MVB12B: variants seen among roughly 807,000 people sequenced by gnomAD.
MVB12B encodes the protein multivesicular body subunit 12B.
In MVB12B, 16 loss-of-function variants were observed where a neutral mutation model predicts 41.6. The ratio of observed to expected loss-of-function variants is 0.38; its 90% confidence interval spans 0.26 to 0.58. The LOEUF (loss-of-function observed/expected upper bound fraction) is 0.58, where lower values mean the gene tolerates loss of function less well. Ranked by LOEUF, MVB12B falls within the 20% of genes least tolerant of loss-of-function variation. The pLI, the probability that MVB12B is intolerant of heterozygous loss-of-function variation, is 0.62. For synonymous variants in MVB12B, 133 were observed against 139.7 expected (o/e 0.95, Z 0.34); for missense variants, 274 against 380.2 (o/e 0.72, Z 2.32).
chr9:126,487,911 G>A (rs781665487), intron 9 of MVB12B, among the ~76,000 whole-genome samples: 2 of 152,210 alleles, frequency 1.3e-5, no homozygotes, highest in Admixed American at 6.5e-5. Flanking sequence ...GCAGTGGAGA[G>A]CTCCACAGAG....
At chr9:126,401,814 G>C (rs534609738) in intron 6 of MVB12B, among the ~76,000 whole-genome samples, 1 of 152,268 alleles carries the variant, frequency 6.6e-6, no homozygotes, top group East Asian at 1.9e-4. Flanking sequence ...TGATTAACTC[G>C]CAGAGTAAGT....
intron 6 of MVB12B, among the ~76,000 whole-genome samples, chr9:126,406,148 G>A (rs1439187865): frequency 6.6e-6 from 1 of 152,000 alleles, no homozygotes; most frequent in Non-Finnish European, 1.5e-5. Context: ...AGGGCAGAGA[G>A]TTAGGATTTA....
Position 126,503,273 on chromosome 9 carries a change from G to T in MVB12B, c.*10G>T, listed in dbSNP as rs1024540178. ...GATCCCGCAGTCCTGAGGAGCCAGC[G>T]GCCACCTGCGGGGAGACCACCGCCG... On this transcript the variant is annotated 3_prime_UTR_variant, in exon 10 of 10. Transcript: ENST00000361171. The T allele has an allele frequency of 1.9e-6, 3 of 1,549,046 alleles. No individual in the cohort carries two copies. The Admixed American group carries it at 5.9e-5, about 30-fold the overall frequency.
Position 126,503,145 on chromosome 9 carries a change from C to T in MVB12B, c.874-32C>T, listed in dbSNP as rs370956928. The T allele has an allele frequency of 3.9e-6, 6 of 1,528,370 alleles. No homozygotes were observed. The African/African-American group carries it at 5.5e-5, about 14-fold the overall frequency. The allele number at this position is 1,528,370 out of a possible 1,614,324, so 94.7% of individuals were successfully genotyped here. A position where few individuals can be genotyped will look rare whatever the true frequency, so the allele number is the denominator to read the frequency against. On this transcript the variant is annotated intron_variant, in intron 9 of 9. Transcript: ENST00000361171. ...GTTTCCCTAGTGTCCCATGGACTGA[C>T]TGTGTCTCTCTGTCCCCACCCGCCC... is the stretch of plus-strand genomic sequence containing the variant.
chr9:126,435,549 G>A (rs1832448203), intron 7 of MVB12B, among the ~76,000 whole-genome samples: 1 of 151,686 alleles, frequency 6.6e-6, no homozygotes. Flanking sequence ...GGATCATATC[G>A]GCACTCAACC....
chr9:126,393,394 A>C (rs1425349658), intron 5 of MVB12B, among the ~76,000 whole-genome samples: 2 of 152,190 alleles, frequency 1.3e-5, no homozygotes, highest in East Asian at 3.8e-4. Flanking sequence ...CCTGCTTTTC[A>C]TCCAGGTTCA....
chr9:126,452,380 G>A (rs558048168), intron 7 of MVB12B, among the ~76,000 whole-genome samples: 48 of 152,306 alleles, frequency 3.2e-4, no homozygotes, highest in Non-Finnish European at 4.9e-4. Flanking sequence ...TCCTCAGCTC[G>A]GACCAGCACT....
rs368292018 is a variant in MVB12B at position 126,487,897 on chromosome 9, C to T, written c.873+3865C>T. On this transcript the variant is annotated intron_variant, in intron 9 of 9. Transcript: ENST00000361171. ...CAGGGTAGAAAACCATAACAAGTAT[C>T]GCTGCAGTGGAGAGCTCCACAGAGT... Among the ~76,000 whole-genome samples, 7 of 152,226 alleles carry T rather than the reference C, an allele frequency of 4.6e-5. No individual in the cohort carries two copies. The East Asian group carries it at 9.6e-4, about 21-fold the overall frequency.
At chr9:126,337,564 A>G (rs766698012) in intron 1 of MVB12B, among the ~76,000 whole-genome samples, 5 of 152,168 alleles carry the variant, frequency 3.3e-5, no homozygotes, top group Admixed American at 6.5e-5. Context: ...GCCTAGTACA[A>G]TAGAAAACAG....
chr9:126,464,622 C>T (rs1382516762), intron 7 of MVB12B, among the ~76,000 whole-genome samples: 2 of 152,228 alleles, frequency 1.3e-5, no homozygotes, highest in Admixed American at 6.5e-5. Flanking sequence ...GCCCGGAGGA[C>T]ACTCCCTAAC....
intron 7 of MVB12B, among the ~76,000 whole-genome samples, chr9:126,465,868 G>A (rs1015866941): frequency 8.5e-5 from 13 of 152,172 alleles, no homozygotes; most frequent in Admixed American, 7.2e-4. Context: ...GGCTGTATAA[G>A]TGTGTTTCAT....
chr9:126,399,729 C>A (rs1831215966), intron 6 of MVB12B, among the ~76,000 whole-genome samples: 1 of 152,290 alleles, frequency 6.6e-6, no homozygotes, highest in South Asian at 2.1e-4. Context: ...CAGGAGGAGT[C>A]CCCTGGTGGG....
At chr9:126,484,194 T>C (rs1482341982) in intron 9 of MVB12B, among the ~76,000 whole-genome samples, 162 bp downstream of exon 9, 1 of 152,232 alleles carries the variant, frequency 6.6e-6, no homozygotes, top group Non-Finnish European at 1.5e-5. Context: ...ATGTGTTTCT[T>C]AGATAAAGTA....
At chr9:126,420,561 CTTTTTTTTTTTTTTTTTTTT>C (rs567217742) in intron 6 of MVB12B, among the ~76,000 whole-genome samples, 69 of 98,848 alleles carry the variant, frequency 7.0e-4, no homozygotes, top group Admixed American at 1.0e-3. Flanking sequence ...TCCCAGGAGT[CTTTTTTTTTTTTTTTTTTTT>C]TTTTTTTTTT....
At chr9:126,452,172 C>T (rs183554309) in intron 7 of MVB12B, among the ~76,000 whole-genome samples, 2 of 152,350 alleles carry the variant, frequency 1.3e-5, no homozygotes, top group Admixed American at 1.3e-4. Context: ...TGCGTGTGCT[C>T]ACGTGCAGGC....
chr9:126,465,667 G>T, intron 7 of MVB12B, among the ~76,000 whole-genome samples: 1 of 126,306 alleles, frequency 7.9e-6, no homozygotes, highest in Non-Finnish European at 1.6e-5. Flanking sequence ...CTCCAGATTG[G>T]TGGGGGCGGG....
intron 9 of MVB12B, among the ~76,000 whole-genome samples, chr9:126,492,779 G>T (rs1035545064): frequency 6.6e-6 from 1 of 152,204 alleles, no homozygotes; most frequent in African/African-American, 2.4e-5. Flanking sequence ...AGGAAGTTGA[G>T]GCTGCAGTGA....
At position 126,333,619 on chromosome 9, in the gene MVB12B, G is replaced by A. The variant is rs1829193001; in HGVS notation, c.81+6609G>A. On this transcript the variant is annotated intron_variant, in intron 1 of 9. Coordinates refer to ENST00000361171, the MANE Select transcript of MVB12B (RefSeq NM_033446.3). This position sits in a 1 kb window ranked among gnomAD's most constrained non-coding sequence, Gnocchi z 4.7. ...CGGTTTTGCCATGTTGGCCAGGCTGGTCTCAAACTCCTGACCTCAAGTGAT... is the reference window on the plus strand; with the variant it reads ...CGGTTTTGCCATGTTGGCCAGGCTGATCTCAAACTCCTGACCTCAAGTGAT... Among the ~76,000 whole-genome samples the A allele has an allele frequency of 6.6e-6, 1 of 151,968 alleles. No homozygotes were observed. The highest frequency in any genetic ancestry group is 1.5e-5 in the Non-Finnish European group (1 of 67,998).
At chr9:126,491,402 T>C (rs1265344564) in intron 9 of MVB12B, among the ~76,000 whole-genome samples, 1 of 149,846 alleles carries the variant, frequency 6.7e-6, no homozygotes, top group Non-Finnish European at 1.5e-5. Context: ...TTTGGAAAGC[T>C]TTCCTGGTGC....
Sources: allele counts gnomAD v4.1 joint callset (sites outside exome capture counted in the v4.1 genomes callset), GRCh38; gene constraint gnomAD v4.1.1; non-coding constraint Gnocchi (gnomAD v3.1); transcripts MANE v1.5; gene names NCBI Gene and HGNC (gene_info 2026-07-23, HGNC 2026-07-21).